Variants in PSD2 observed in about 807,000 individuals in gnomAD.
PSD2 encodes the protein pleckstrin and Sec7 domain containing 2.
A neutral mutation model predicts 69.8 loss-of-function variants in PSD2; 38 were observed. The ratio of observed to expected loss-of-function variants is 0.54; its 90% CI spans 0.42 to 0.71. The LOEUF is 0.71. Ranked by LOEUF, PSD2 falls within the 30% of genes least tolerant of loss-of-function variation. PSD2 has a pLI of 0.00. For missense variants in PSD2, 943 were observed against 1,014.5 expected (o/e 0.93, Z 0.96); for synonymous variants, 412 against 423.0 (o/e 0.97, Z 0.32).
chr5:139,750,149 C>T, the PSD2 span, among the ~76,000 whole-genome samples: 1 of 151,912 alleles, frequency 6.6e-6, no homozygotes, highest in African/African-American at 2.4e-5. Context: ...CACGGTGAAA[C>T]CCCGTCTCTA....
the PSD2 span, among the ~76,000 whole-genome samples, chr5:139,782,087 C>G: frequency 6.6e-6 from 1 of 152,228 alleles, no homozygotes; most frequent in Admixed American, 6.5e-5. Flanking sequence ...CTCCCAGTGG[C>G]CCTTCACAGG....
the PSD2 span, chr5:139,772,450 C>G: frequency 6.6e-6 from 1 of 152,258 alleles, no homozygotes; most frequent in Non-Finnish European, 1.5e-5. Flanking sequence ...GTTGGTGATC[C>G]AGTGAGGCCT....
intron 12 of PSD2, 150 bp from the exon 13 acceptor site, chr5:139,838,478 C>T (rs942152978): frequency 6.2e-6 from 5 of 803,698 alleles, no homozygotes; most frequent in South Asian, 1.9e-5. Context: ...CCCATCCAGC[C>T]CCCATGTGTC....
chr5:139,749,798 C>A, the PSD2 span, among the ~76,000 whole-genome samples: 1 of 149,390 alleles, frequency 6.7e-6, no homozygotes, highest in Non-Finnish European at 1.5e-5. Flanking sequence ...GAGTTTGAGA[C>A]CAGCTTGGGC....
At chr5:139,766,929 C>CTT in the PSD2 span, among the ~76,000 whole-genome samples, 567 of 19,542 alleles carry the variant, frequency 0.029, 36 homozygotes, top group South Asian at 0.12. Flanking sequence ...TCCTTCCTTC[C>CTT]CTTCTTTCTT....
chr5:139,842,605 G>A lies in PSD2; in HGVS notation c.*131G>A, dbSNP rs1177874450. 2 of 780,788 alleles carry A rather than the reference G, an allele frequency of 2.6e-6. No homozygotes were observed. Among genetic ancestry groups the A allele is most frequent in the Non-Finnish European group, 4.1e-6 (2 of 483,238 alleles). The allele number at this position is 780,788 out of a possible 1,614,324, so 48.4% of individuals were successfully genotyped here. ...GCAGCTAGAGGGGTGCAGAAAGCCT[G>A]TGGGCCCAGGAGATGGAGATGCCGT... On this transcript the variant is annotated 3_prime_UTR_variant, in exon 15 of 15. Transcript: ENST00000274710.
At chr5:139,818,707 C>T (rs909374344) in intron 5 of PSD2, among the ~76,000 whole-genome samples, 2 of 152,100 alleles carry the variant, frequency 1.3e-5, no homozygotes, top group Non-Finnish European at 2.9e-5. Context: ...CCTGAGGTTG[C>T]AATTTTCTGA....
the PSD2 span, among the ~76,000 whole-genome samples, chr5:139,756,243 T>TCTGATG: frequency 6.6e-6 from 1 of 152,152 alleles, no homozygotes; most frequent in Admixed American, 6.6e-5. Flanking sequence ...CCCTTTCATG[T>TCTGATG]CTGCCGCGCC....
At chr5:139,782,771 G>A in the PSD2 span, among the ~76,000 whole-genome samples, 1 of 152,100 alleles carries the variant, frequency 6.6e-6, no homozygotes, top group South Asian at 2.1e-4. Flanking sequence ...GGGATTACAG[G>A]CATGAGCCAC....
At chr5:139,840,286 G>A in intron 14 of PSD2, 116 bp downstream of exon 14, 1 of 1,164,918 alleles carries the variant, frequency 8.6e-7, no homozygotes, top group Non-Finnish European at 1.2e-6. Context: ...CATTGATGTG[G>A]GAGCTGGGAG....
At chr5:139,828,753 C>A (rs1193810345) in intron 7 of PSD2, among the ~76,000 whole-genome samples, 2 of 152,142 alleles carry the variant, frequency 1.3e-5, no homozygotes, top group Non-Finnish European at 2.9e-5. Flanking sequence ...TGGGAAAAGG[C>A]CTGGCTCCTG....
chr5:139,783,466 C>T, the PSD2 span, among the ~76,000 whole-genome samples: 1 of 152,268 alleles, frequency 6.6e-6, no homozygotes, highest in South Asian at 2.1e-4. Context: ...CATATTGTAG[C>T]AGGTGTCAGT....
At chr5:139,755,531 C>T in the PSD2 span, among the ~76,000 whole-genome samples, 1 of 152,134 alleles carries the variant, frequency 6.6e-6, no homozygotes, top group African/African-American at 2.4e-5. Context: ...GTGTATGTCC[C>T]TGGGAGCCTC....
intron 7 of PSD2, among the ~76,000 whole-genome samples, chr5:139,823,316 G>A (rs1340032974): frequency 1.2e-4 from 18 of 152,052 alleles, no homozygotes. Context: ...CTCGCAGGTG[G>A]TAAGTGTAGC....
At chr5:139,795,118 C>A (rs1759485403), upstream of PSD2, among the ~76,000 whole-genome samples, 1 of 152,140 alleles carries the variant, frequency 6.6e-6, no homozygotes, top group Non-Finnish European at 1.5e-5. This position sits in a 1 kb window ranked among gnomAD's most constrained non-coding sequence, Gnocchi z 4.5. Context: ...CCACCCCTCA[C>A]CTCCCGCCTC....
At chr5:139,789,404 T>C in the PSD2 span, among the ~76,000 whole-genome samples, 2 of 152,202 alleles carry the variant, frequency 1.3e-5, no homozygotes, top group South Asian at 4.1e-4. Context: ...ACCAGCCAGC[T>C]GCAGTCACAC....
the PSD2 span, among the ~76,000 whole-genome samples, chr5:139,747,851 G>A: frequency 6.6e-6 from 1 of 152,314 alleles, no homozygotes; most frequent in African/African-American, 2.4e-5. This position sits in a 1 kb window ranked among gnomAD's most constrained non-coding sequence, Gnocchi z 6.7. Flanking sequence ...GGGGTGTAGG[G>A]GGAGGCGGCA....
intron 7 of PSD2, among the ~76,000 whole-genome samples, chr5:139,829,295 A>G (rs1760508884): frequency 1.3e-5 from 2 of 152,194 alleles, no homozygotes; most frequent in South Asian, 2.1e-4. Flanking sequence ...TAAGGTGCCT[A>G]TATGTGTTGT....
rs1386710374 is a variant in PSD2 at position 139,813,764 on chromosome 5, G to T, written c.821+6G>T. ...AAGTTGCTGAACTCAGCCAGGTGAGGCAGGGCCCAGGCTGGGAGAACCACC... is the reference window on the plus strand; with the variant it reads ...AAGTTGCTGAACTCAGCCAGGTGAGTCAGGGCCCAGGCTGGGAGAACCACC... On this transcript the variant is annotated splice_donor_region_variant and intron_variant, in intron 3 of 14. Transcript: ENST00000274710. The T allele has an allele frequency of 1.3e-6, 2 of 1,593,660 alleles. No homozygotes were observed. Among genetic ancestry groups the T allele is most frequent in the Non-Finnish European group, 1.7e-6 (2 of 1,168,172 alleles).
Sources: allele counts gnomAD v4.1 joint callset (sites outside exome capture counted in the v4.1 genomes callset), GRCh38; gene constraint gnomAD v4.1.1; non-coding constraint Gnocchi (gnomAD v3.1); transcripts MANE v1.5; gene names NCBI Gene and HGNC (gene_info 2026-07-23, HGNC 2026-07-21).